SGCD: variants seen among roughly 807,000 people sequenced by gnomAD.
SGCD encodes the protein sarcoglycan delta, also known as delta-sarcoglycan.
Under a neutral mutation model 36.6 loss-of-function variants are expected in SGCD, and 18 were observed. That is an observed-to-expected ratio of 0.49 (90% CI 0.34 to 0.73). The LOEUF (loss-of-function observed/expected upper bound fraction) is 0.73. Among genes scored for constraint, SGCD ranks in the 30% least tolerant of loss-of-function variants. SGCD has a pLI of 0.01. For missense variants in SGCD, 387 were observed against 346.7 expected, an observed-to-expected ratio of 1.12 and a Z score of -0.92; for synonymous variants, 133 against 130.6, an observed-to-expected ratio of 1.02 and a Z score of -0.12.
intron 7 of SGCD, among the ~76,000 whole-genome samples, chr5:156,703,720 C>G (rs980128577): frequency 6.6e-6 from 1 of 152,074 alleles, no homozygotes; most frequent in African/African-American, 2.4e-5. Context: ...TTTGATGAAG[C>G]CCAGGAGCAA....
In SGCD at chr5:155,907,751, G is replaced by A. The variant is rs77632372; in HGVS notation, c.-282+37327G>A. 5.6e-4 allele frequency among the ~76,000 whole-genome samples: 86 copies of A among 152,246 alleles called. 1 individual carries two copies. In the East Asian group the frequency reaches 0.016, roughly 28 times the overall value. On this transcript the variant is annotated intron_variant, in intron 1 of 9. Coordinates refer to the SGCD transcript ENST00000517913. Reference sequence around the variant, plus strand: ...TTCCTTGAAATGGAGCCTACTCCTGGTGAGGATGCTATGAACATTTTTGAA... The same window carrying A: ...TTCCTTGAAATGGAGCCTACTCCTGATGAGGATGCTATGAACATTTTTGAA...
At chr5:156,649,866 A>T (rs927278647) in intron 7 of SGCD, among the ~76,000 whole-genome samples, 8 of 151,230 alleles carry the variant, frequency 5.3e-5, no homozygotes, top group South Asian at 2.1e-4. Context: ...TATAATAATA[A>T]TTTTTTTTTT....
At chr5:156,184,267 GAACCATCATAAGATGGTGAC>G (rs1763679644) in intron 3 of SGCD, among the ~76,000 whole-genome samples, 2 of 151,878 alleles carry the variant, frequency 1.3e-5, no homozygotes, top group East Asian at 3.9e-4. Context: ...AAATCCTGTT[GAACCATCATAAGATGGTGAC>G]CATCTGTCCT....
the SGCD span, among the ~76,000 whole-genome samples, chr5:155,818,763 C>T: frequency 6.6e-6 from 1 of 152,162 alleles, no homozygotes; most frequent in Admixed American, 6.5e-5. Flanking sequence ...TCAAGAGATC[C>T]TCCCACCCTG....
chr5:155,898,285 T>A (rs988268143), intron 1 of SGCD, among the ~76,000 whole-genome samples: 5 of 152,090 alleles, frequency 3.3e-5, no homozygotes, highest in Non-Finnish European at 1.5e-5. Flanking sequence ...ATGAAAAAAA[T>A]CAAATGGAGT....
chr5:156,085,277 C>T (rs2127592595), intron 1 of SGCD, among the ~76,000 whole-genome samples: 1 of 152,200 alleles, frequency 6.6e-6, no homozygotes. Flanking sequence ...GAACTGTAAC[C>T]CCCAGTGCTG....
intron 3 of SGCD, among the ~76,000 whole-genome samples, chr5:156,245,870 G>A (rs116515459): frequency 1.8e-3 from 268 of 152,166 alleles, no homozygotes; most frequent in African/African-American, 6.1e-3. Flanking sequence ...CAAAATATGG[G>A]CCTTCCACTG....
At chr5:155,956,429 C>T (rs1207154276) in intron 1 of SGCD, among the ~76,000 whole-genome samples, 2 of 152,134 alleles carry the variant, frequency 1.3e-5, no homozygotes, top group African/African-American at 4.8e-5. Flanking sequence ...AGATTCTTCT[C>T]TGACGGATGA....
At chr5:156,427,678 A>G (rs1376915671) in intron 3 of SGCD, among the ~76,000 whole-genome samples, 3 of 152,140 alleles carry the variant, frequency 2.0e-5, no homozygotes, top group African/African-American at 7.2e-5. Flanking sequence ...TGGGTTTGTC[A>G]TAGATGGCTT....
chr5:156,078,539 TTATTTATATATATATTTA>T (rs1322284269), intron 1 of SGCD, among the ~76,000 whole-genome samples: 7 of 139,576 alleles, frequency 5.0e-5, no homozygotes, highest in Admixed American at 1.5e-4. Flanking sequence ...ATATATATAT[TTATTTATATATATATTTA>T]TATTTATATA....
At chr5:155,775,691 T>A in the SGCD span, among the ~76,000 whole-genome samples, 3 of 152,168 alleles carry the variant, frequency 2.0e-5, no homozygotes, top group Admixed American at 2.0e-4. Context: ...GGTCAATATG[T>A]CCATTTATTC....
chr5:156,381,312 A>C (rs762915662), intron 3 of SGCD, among the ~76,000 whole-genome samples: 4 of 152,224 alleles, frequency 2.6e-5, no homozygotes, highest in Non-Finnish European at 5.9e-5. Flanking sequence ...AGATAAAAGG[A>C]AACGTAAGGC....
chr5:156,317,153 A>G (rs10463088), intron 3 of SGCD, among the ~76,000 whole-genome samples: 65,922 of 151,876 alleles, frequency 0.43, 14,668 homozygotes, highest in East Asian at 0.81. Context: ...GAATCTATTT[A>G]AATATCAACT....
At position 155,870,744 on chromosome 5, in the gene SGCD, A is replaced by G. The variant is rs549307971; in HGVS notation, c.-282+320A>G. 3.3e-5 allele frequency among the ~76,000 whole-genome samples: 5 copies of G among 152,288 alleles called. No homozygotes were observed. The South Asian group carries it at 1.0e-3, about 32-fold the overall frequency. ...GAAACCTGCTCCCATGTCAAAAACC[A>G]AAACCAAAAGTGATTTCTGTGTAGA... On this transcript the variant is annotated intron_variant, in intron 1 of 9. Coordinates refer to the SGCD transcript ENST00000517913.
the SGCD span, among the ~76,000 whole-genome samples, chr5:155,729,330 TAA>T: frequency 6.6e-6 from 1 of 152,160 alleles, no homozygotes; most frequent in Non-Finnish European, 1.5e-5. Context: ...CTGGGCGCGC[TAA>T]GAGATCGTGG....
At chr5:156,421,733 A>G (rs1177009714) in intron 3 of SGCD, among the ~76,000 whole-genome samples, 1 of 152,090 alleles carries the variant, frequency 6.6e-6, no homozygotes, top group Non-Finnish European at 1.5e-5. Context: ...GTTGGGGTCC[A>G]TTTGGAAATC....
intron 3 of SGCD, among the ~76,000 whole-genome samples, chr5:156,408,943 C>A (rs1433920659): frequency 6.6e-6 from 1 of 152,282 alleles, no homozygotes; most frequent in African/African-American, 2.4e-5. Context: ...TTGCTCACAG[C>A]TGCAAGCTCT....
intron 3 of SGCD, among the ~76,000 whole-genome samples, chr5:156,463,410 T>C (rs537538579): frequency 6.6e-6 from 1 of 152,134 alleles, no homozygotes; most frequent in Non-Finnish European, 1.5e-5. Flanking sequence ...AGACGTATAG[T>C]CTTGGCTTTC....
intron 3 of SGCD, among the ~76,000 whole-genome samples, chr5:156,272,119 G>A (rs1766196999): frequency 1.3e-5 from 2 of 152,076 alleles, no homozygotes; most frequent in African/African-American, 4.8e-5. Flanking sequence ...CATCACTCAA[G>A]CAGTGTACAC....
Sources: allele counts gnomAD v4.1 joint callset (sites outside exome capture counted in the v4.1 genomes callset), GRCh38; gene constraint gnomAD v4.1.1; transcripts MANE v1.5; gene names NCBI Gene and HGNC (gene_info 2026-07-23, HGNC 2026-07-21).